The following CNKSR2 variants were observed in gnomAD, a reference collection of about 807,000 sequenced individuals.
CNKSR2 encodes connector enhancer of kinase suppressor of Ras 2, also known as CNK homolog protein 2.
A neutral mutation model predicts 84.4 loss-of-function variants in CNKSR2; 14 were observed. The ratio of observed to expected loss-of-function variants is 0.17; its 90% CI spans 0.11 to 0.26. The LOEUF (loss-of-function observed/expected upper bound fraction) is 0.26. CNKSR2 is among the 10% of genes least tolerant of loss of function. The pLI is 1.00. For missense variants in CNKSR2, 485 were observed against 771.2 expected, an observed-to-expected ratio of 0.63 and a Z score of 4.40; for synonymous variants, 275 against 277.9, an observed-to-expected ratio of 0.99 and a Z score of 0.10.
At chrX:21,381,551 C>A (rs1195583780) in intron 1 of CNKSR2, among the ~76,000 whole-genome samples, 1 of 112,217 alleles carries the variant, frequency 8.9e-6, no homozygotes, top group Non-Finnish European at 1.9e-5. Flanking sequence ...TAAATCTCAT[C>A]CGATCTCATT....
At chrX:21,524,358 C>A (rs947411456) in intron 9 of CNKSR2, among the ~76,000 whole-genome samples, 1 of 111,080 alleles carries the variant, frequency 9.0e-6, no homozygotes, top group Non-Finnish European at 1.9e-5. Flanking sequence ...CATAATCAAA[C>A]TTGTTATGTA....
chrX:21,635,181 C>T (rs186354973), intron 20 of CNKSR2, among the ~76,000 whole-genome samples: 1 of 108,975 alleles, frequency 9.2e-6, no homozygotes, highest in African/African-American at 3.3e-5. Context: ...TGCTAAAAAT[C>T]TAAAGACATT....
chrX:21,587,080 AGG>A (rs1054624401), intron 13 of CNKSR2, among the ~76,000 whole-genome samples: 1 of 112,143 alleles, frequency 8.9e-6, no homozygotes, highest in Non-Finnish European at 1.9e-5. Flanking sequence ...GCAGAATATT[AGG>A]GATAAAGAGA....
chrX:21,475,935 C>A (rs999366460), intron 5 of CNKSR2, among the ~76,000 whole-genome samples: 1 of 111,107 alleles, frequency 9.0e-6, no homozygotes, highest in African/African-American at 3.3e-5. Flanking sequence ...TTCCTTTGAG[C>A]ATCATGTCAG....
At chrX:21,387,973 C>T (rs1193289916) in intron 1 of CNKSR2, among the ~76,000 whole-genome samples, 1 of 107,336 alleles carries the variant, frequency 9.3e-6, no homozygotes, top group Non-Finnish European at 1.9e-5. Context: ...GATCTCGGCT[C>T]ACTGCAAGCT....
At chrX:21,585,847 G>A (rs1362753287) in intron 13 of CNKSR2, among the ~76,000 whole-genome samples, 1 of 111,471 alleles carries the variant, frequency 9.0e-6, no homozygotes, top group Non-Finnish European at 1.9e-5. Flanking sequence ...TTTAATAAAT[G>A]ATGTTTTTGG....
intron 17 of CNKSR2, among the ~76,000 whole-genome samples, chrX:21,600,778 C>T (rs970603957): frequency 1.8e-5 from 2 of 112,098 alleles, no homozygotes; most frequent in African/African-American, 3.2e-5. Context: ...GACAAGTGTC[C>T]GAAGTACTCC....
At chrX:21,383,784 C>T (rs927148164) in intron 1 of CNKSR2, among the ~76,000 whole-genome samples, 1 of 110,482 alleles carries the variant, frequency 9.1e-6, no homozygotes, top group East Asian at 2.8e-4. Flanking sequence ...TAGAACAAAT[C>T]GATGGAAGCC....
At chrX:21,386,018 C>CAAA (rs1179082753) in intron 1 of CNKSR2, among the ~76,000 whole-genome samples, 21 of 20,445 alleles carry the variant, frequency 1.0e-3, no homozygotes, top group Admixed American at 1.4e-3. Flanking sequence ...TGGATGTAGG[C>CAAA]AAAAAAAAAA....
At chrX:21,482,278 C>T (rs2091329103) in intron 5 of CNKSR2, among the ~76,000 whole-genome samples, 1 of 111,874 alleles carries the variant, frequency 8.9e-6, no homozygotes, top group Admixed American at 9.5e-5. Context: ...ATTATAAATA[C>T]TTTTTTGATT....
chrX:21,570,846 T>A (rs2092278870), intron 13 of CNKSR2, among the ~76,000 whole-genome samples: 1 of 112,220 alleles, frequency 8.9e-6, no homozygotes, highest in African/African-American at 3.2e-5. Context: ...CTTCTTTCTT[T>A]AATCCTCATA....
At chrX:21,601,206 A>G in intron 17 of CNKSR2, 76 bp from the exon 18 acceptor site, 1 of 595,171 alleles carries the variant, frequency 1.7e-6, no homozygotes, top group Non-Finnish European at 2.7e-6. Context: ...TAGACATTTT[A>G]AAATAAATGT....
chrX:21,387,730 C>A (rs192718702), intron 1 of CNKSR2, among the ~76,000 whole-genome samples: 1 of 110,529 alleles, frequency 9.0e-6, no homozygotes, highest in Non-Finnish European at 1.9e-5. Context: ...TATGTAATAT[C>A]TCCTGAAATA....
chrX:21,485,403 C>T lies in CNKSR2; in HGVS notation c.562-5056C>T, dbSNP rs149726232. On this transcript the variant is annotated intron_variant, in intron 5 of 21. Coordinates refer to ENST00000379510, the MANE Select transcript of CNKSR2 (RefSeq NM_014927.5). ...ATATGCTCTGCTCTGATCTTTTTCC[C>T]CTTTAAAGCTTATATTTAGGTAAAC... is the stretch of plus-strand genomic sequence containing the variant. 2.7e-3 allele frequency among the ~76,000 whole-genome samples: 298 copies of T among 110,313 alleles called. 2 individuals carry two copies. The highest frequency in any genetic ancestry group is 9.4e-3 in the African/African-American group (285 of 30,314).
intron 4 of CNKSR2, among the ~76,000 whole-genome samples, chrX:21,443,103 T>G (rs1416531445): frequency 9.0e-6 from 1 of 110,577 alleles, no homozygotes; most frequent in African/African-American, 3.3e-5. Flanking sequence ...GATACCCAAT[T>G]TACTTATATA....
At chrX:21,480,836 TG>T (rs1209764668) in intron 5 of CNKSR2, among the ~76,000 whole-genome samples, 9 of 112,208 alleles carry the variant, frequency 8.0e-5, no homozygotes, top group African/African-American at 2.9e-4. Context: ...TATCTTAAAG[TG>T]TAATTTTTAG....
At chrX:21,618,860 C>G (rs1401376211) in intron 20 of CNKSR2, among the ~76,000 whole-genome samples, 1 of 111,784 alleles carries the variant, frequency 8.9e-6, no homozygotes, top group East Asian at 2.8e-4. Context: ...CTAGCTCTTC[C>G]ATAAGTCTAC....
intron 11 of CNKSR2, among the ~76,000 whole-genome samples, chrX:21,534,989 C>A (rs2091915086): frequency 9.0e-6 from 1 of 110,556 alleles, no homozygotes; most frequent in Non-Finnish European, 1.9e-5. Flanking sequence ...CCTGTGTATT[C>A]TTCTAGTAGT....
chrX:21,382,780 A>C (rs1465270580), intron 1 of CNKSR2, among the ~76,000 whole-genome samples: 1 of 111,695 alleles, frequency 9.0e-6, no homozygotes, highest in Non-Finnish European at 1.9e-5. Context: ...ATCTTAAATC[A>C]GCATTTTCTT....
Sources: allele counts gnomAD v4.1 joint callset (sites outside exome capture counted in the v4.1 genomes callset), GRCh38; gene constraint gnomAD v4.1.1; transcripts MANE v1.5; gene names NCBI Gene and HGNC (gene_info 2026-07-23, HGNC 2026-07-21).